The following SENP5 variants were observed in gnomAD, a reference collection of about 807,000 sequenced individuals.
SENP5 encodes the protein SUMO specific peptidase 5, also known as sentrin-specific protease 5.
Under a neutral mutation model 74.2 loss-of-function variants are expected in SENP5, and 21 were observed. That is an observed-to-expected ratio of 0.28 (90% CI 0.20 to 0.41). SENP5 has a LOEUF of 0.41. Among genes scored for constraint, SENP5 ranks in the 10% least tolerant of loss-of-function variants. SENP5 has a pLI of 1.00. For missense variants in SENP5, 717 were observed against 889.1 expected (o/e 0.81, Z 2.46); for synonymous variants, 311 against 312.7 (o/e 0.99, Z 0.06).
intron 1 of SENP5, among the ~76,000 whole-genome samples, chr3:196,868,909 A>G (rs1713074656): frequency 1.6e-5 from 1 of 62,570 alleles, no homozygotes; most frequent in South Asian, 4.1e-4. Context: ...TGCCCGGAAT[A>G]ACTAAGCTTG....
At chr3:196,900,126 T>C in intron 4 of SENP5, 64 bp downstream of exon 4, 1 of 1,555,968 alleles carries the variant, frequency 6.4e-7, no homozygotes. Flanking sequence ...TAAAATATAA[T>C]CTCTAGTTTG....
chr3:196,894,124 T>G (rs1037763137), intron 2 of SENP5, among the ~76,000 whole-genome samples: 1 of 147,748 alleles, frequency 6.8e-6, no homozygotes, highest in African/African-American at 2.5e-5. Flanking sequence ...TGGTTTTTTT[T>G]TTTTTTTTTT....
At chr3:196,874,547 T>TGGTCATTTTTTTTCAC (rs1560137362) in intron 1 of SENP5, among the ~76,000 whole-genome samples, 3 of 152,148 alleles carry the variant, frequency 2.0e-5, no homozygotes, top group African/African-American at 7.2e-5. Context: ...CTTATCTCCC[T>TGGTCATTTTTTTTCAC]GGTCATTTTT....
chr3:196,921,626 AG>A (rs1715624381), intron 6 of SENP5, among the ~76,000 whole-genome samples: 2 of 152,088 alleles, frequency 1.3e-5, no homozygotes, highest in African/African-American at 4.8e-5. Context: ...TAAAAAAAAA[AG>A]GATACTCAGA....
At chr3:196,898,968 A>G (rs1045086612) in intron 2 of SENP5, among the ~76,000 whole-genome samples, 1 of 151,748 alleles carries the variant, frequency 6.6e-6, no homozygotes, top group African/African-American at 2.4e-5. Context: ...AGTCACAGCT[A>G]TTTGGGAGGA....
chr3:196,886,147 T>A lies in SENP5; in HGVS notation c.966T>A (p.His322Gln). Residue 322 changes from histidine (H) to glutamine (Q), a missense_variant, in exon 2 of 10, where the codon CAT becomes CAA. By Grantham distance (24) the His-to-Gln change is conservative. This residue lies in a region of SENP5 where 567 missense variants were observed against 577.4 expected (regional missense o/e 0.98). Transcript: ENST00000323460. ...SSAVVKGTNS[H>Q]VPDCHTKGSS... ...CTGTGGTGAAGGGGACGAACTCTCA[T>A]GTGCCTGATTGCCACACTAAAGGAA... 1 of 1,614,220 alleles carries A rather than the reference T, an allele frequency of 6.2e-7. No individual in the cohort carries two copies. Among genetic ancestry groups the A allele is most frequent in the Non-Finnish European group, 8.5e-7 (1 of 1,180,030 alleles).
intron 6 of SENP5, among the ~76,000 whole-genome samples, chr3:196,918,293 C>A (rs1236320898): frequency 3.7e-5 from 5 of 134,868 alleles, no homozygotes; most frequent in African/African-American, 1.2e-4. Context: ...GGCGACAGAA[C>A]GAGACTCTGT....
In SENP5 at chr3:196,886,077, C is replaced by T. The variant is rs1397622327; in HGVS notation, c.896C>T (p.Pro299Leu). ...TTTCCTTCCCCAGAACCTAAAGACC[C>T]TTCTTGTCGGCATCAGCCGTACTTT... ...SPFPSPEPKD[P>L]SCRHQPYFPD... The change falls in exon 2 of 10, where the codon CCT becomes CTT. Residue 299 changes from proline (P) to leucine (L), a missense_variant. Physicochemically the swap from Pro to Leu is moderately conservative, Grantham distance 98. Around this residue, in one of 4 missense-constraint regions of SENP5, gnomAD observed 567 missense variants for 577.4 expected, o/e 0.98. Transcript: ENST00000323460. 4 of 1,614,076 alleles carry T rather than the reference C, an allele frequency of 2.5e-6. No homozygotes were observed. Among genetic ancestry groups the T allele is most frequent in the Non-Finnish European group, 3.4e-6 (4 of 1,180,040 alleles).
rs199719868 is a variant in SENP5, at chr3:196,931,939, A to T, written c.*1016A>T. The T allele has an allele frequency of 6.0e-4, 272 of 454,750 alleles. No homozygotes were observed. Among genetic ancestry groups the T allele is most frequent in the Non-Finnish European group, 1.0e-3 (236 of 226,298 alleles). 28.2% of individuals were successfully genotyped at this position (454,750 alleles called of 1,614,324 possible). On this transcript the variant is annotated 3_prime_UTR_variant, in exon 10 of 10. Transcript: ENST00000323460. ...GTGGCTGGAGAGAAGAGGGAAGGTA[A>T]TAGAGACAACTTAGTCCCATGGGAG...
intron 1 of SENP5, among the ~76,000 whole-genome samples, chr3:196,876,233 G>T (rs879744819): frequency 6.6e-6 from 1 of 151,944 alleles, no homozygotes. Flanking sequence ...AAATAATTAG[G>T]TTCAGACAGC....
chr3:196,896,363 A>G (rs1165105933), intron 2 of SENP5, among the ~76,000 whole-genome samples: 1 of 152,200 alleles, frequency 6.6e-6, no homozygotes, highest in African/African-American at 2.4e-5. Flanking sequence ...GGTACCTACA[A>G]TCAGGATCTT....
At chr3:196,891,811 G>A (rs1004994688) in intron 2 of SENP5, among the ~76,000 whole-genome samples, 2 of 152,006 alleles carry the variant, frequency 1.3e-5, no homozygotes, top group Non-Finnish European at 2.9e-5. Context: ...TTTTTTTTGA[G>A]ACGGAGTCTC....
rs765578301 is a variant in SENP5 at position 196,931,813 on chromosome 3, A to G, written c.*890A>G. 6 of 364,276 alleles carry G rather than the reference A, an allele frequency of 1.6e-5. No individual in the cohort carries two copies. The highest frequency in any genetic ancestry group is 7.2e-5 in the Admixed American group (2 of 27,940). 22.6% of individuals were successfully genotyped at this position (364,276 alleles called of 1,614,324 possible). A position where few individuals can be genotyped will look rare whatever the true frequency, so the allele number is the denominator to read the frequency against. ...TGTCATTTCCCTGTGTTGCCTCCCA[A>G]TTGGAAGAAGTTAAGGTTTACCAAA... On this transcript the variant is annotated 3_prime_UTR_variant, in exon 10 of 10. Transcript: ENST00000323460.
intron 2 of SENP5, among the ~76,000 whole-genome samples, chr3:196,898,127 G>A (rs1228716947): frequency 5.3e-5 from 8 of 150,010 alleles, no homozygotes; most frequent in Non-Finnish European, 8.9e-5. Flanking sequence ...GCAGTGAGCC[G>A]AAATCGCACC....
chr3:196,908,848 C>G (rs1413839798), intron 6 of SENP5, among the ~76,000 whole-genome samples: 1 of 151,836 alleles, frequency 6.6e-6, no homozygotes, highest in African/African-American at 2.4e-5. Flanking sequence ...AAAACAACAA[C>G]AAGGAAATAG....
intron 1 of SENP5, among the ~76,000 whole-genome samples, chr3:196,870,649 C>G (rs946449688): frequency 5.3e-5 from 8 of 151,900 alleles, no homozygotes; most frequent in Non-Finnish European, 7.4e-5. Context: ...TCCCAAGTAG[C>G]TGGGATTACA....
chr3:196,902,806 T>C (rs1336860217), intron 5 of SENP5, among the ~76,000 whole-genome samples: 1 of 152,200 alleles, frequency 6.6e-6, no homozygotes, highest in African/African-American at 2.4e-5. Context: ...AATTCTGTGG[T>C]ACTAGAAATA....
chr3:196,908,289 CAAAT>C (rs1192257673), intron 6 of SENP5, among the ~76,000 whole-genome samples: 2 of 151,918 alleles, frequency 1.3e-5, no homozygotes, highest in East Asian at 1.9e-4. Flanking sequence ...CAATTTAAAA[CAAAT>C]AAAAAAGGCA....
At chr3:196,905,700 C>T (rs186657616) in intron 6 of SENP5, among the ~76,000 whole-genome samples, 49 of 152,244 alleles carry the variant, frequency 3.2e-4, no homozygotes, top group African/African-American at 1.1e-3. Flanking sequence ...CAGGAACCTC[C>T]ACATATTTAG....
Sources: gnomAD v4.1 joint callset for allele counts (sites outside exome capture counted in the v4.1 genomes callset) on GRCh38, gnomAD v4.1.1 for gene constraint, gnomAD v4.1.1 regional missense constraint, MANE v1.5 for transcripts, NCBI Gene and HGNC (gene_info 2026-07-23, HGNC 2026-07-21) for gene names.